HNRNPR: variants seen among roughly 807,000 people sequenced by gnomAD.
HNRNPR encodes heterogeneous nuclear ribonucleoprotein R.
In HNRNPR, 4 loss-of-function variants were observed where a neutral mutation model predicts 70.3. That is an observed-to-expected ratio of 0.06 (90% CI 0.03 to 0.13). The LOEUF (loss-of-function observed/expected upper bound fraction) is 0.13, where lower values mean the gene tolerates loss of function less well. Ranked by LOEUF, HNRNPR falls within the 10% of genes least tolerant of loss-of-function variation. HNRNPR has a pLI of 1.00. For synonymous variants in HNRNPR, 241 were observed against 267.6 expected, an observed-to-expected ratio of 0.90 and a Z score of 0.97; for missense variants, 423 against 788.5, an observed-to-expected ratio of 0.54 and a Z score of 5.55.
At chr1:23,329,249 A>G (rs904922118) in intron 5 of HNRNPR, among the ~76,000 whole-genome samples, 1 of 152,260 alleles carries the variant, frequency 6.6e-6, no homozygotes, top group Non-Finnish European at 1.5e-5. Context: ...GAAACAGGAA[A>G]TATCTTCATT....
chr1:23,340,449 C>T (rs1646669260), intron 2 of HNRNPR, among the ~76,000 whole-genome samples: 1 of 152,164 alleles, frequency 6.6e-6, no homozygotes, highest in African/African-American at 2.4e-5. Flanking sequence ...ATACAGCTAT[C>T]CTCTTGTTAT....
rs1401214182 is a variant in HNRNPR, at chr1:23,314,842, A to AT, written c.1018-1141dup. ...CCCACAATTCTACCCCTAAGAATCT[A>AT]TCCTACAGATATATCTCCACTTGTA... On this transcript the variant is annotated intron_variant, in intron 8 of 10. Transcript: ENST00000302271. 3.9e-5 allele frequency among the ~76,000 whole-genome samples: 6 copies of AT among 152,228 alleles called. No homozygotes were observed. The East Asian group carries it at 1.2e-3, about 29-fold the overall frequency.
chr1:23,320,378 T>G (rs1054800206), intron 7 of HNRNPR, among the ~76,000 whole-genome samples: 1 of 152,164 alleles, frequency 6.6e-6, no homozygotes, highest in Non-Finnish European at 1.5e-5. Context: ...ATCCAGAATG[T>G]AATCTGGATA....
intron 5 of HNRNPR, among the ~76,000 whole-genome samples, chr1:23,325,302 T>C (rs183286217): frequency 6.6e-6 from 1 of 152,148 alleles, no homozygotes; most frequent in Non-Finnish European, 1.5e-5. Context: ...GAAGTAATAA[T>C]AGCAATCCAA....
rs1343682167 is a variant in HNRNPR, at chr1:23,309,570, A to G, written c.*884T>C. 3 of 152,218 alleles carry G rather than the reference A, an allele frequency of 2.0e-5. No individual in the cohort carries two copies. In the East Asian group the frequency reaches 5.8e-4, roughly 29 times the overall value. 9.4% of individuals were successfully genotyped at this position (152,218 alleles called of 1,614,324 possible). On this transcript the variant is annotated 3_prime_UTR_variant, in exon 11 of 11. Transcript: ENST00000302271. ...TAAAATTTCAAAATTAGAAGAGACT[A>G]TGAGAGAACACCAATCAATGAAAGT...
At chr1:23,323,760 C>A (rs768964523) in intron 5 of HNRNPR, 28 bp from the exon 6 acceptor site, 6 of 1,588,492 alleles carry the variant, frequency 3.8e-6, no homozygotes, top group South Asian at 3.3e-5. Context: ...TATTAGAATC[C>A]AACATAAGCA....
rs1645648994 is a variant in HNRNPR, at chr1:23,318,898, G to A, written c.812-210C>T. 6.6e-6 allele frequency among the ~76,000 whole-genome samples: 1 copy of A among 152,106 alleles called. No homozygotes were observed. The highest frequency in any genetic ancestry group is 6.5e-5 in the Admixed American group (1 of 15,278). ...CCTTTTTAATTTTAGGGGTTCTGAA[G>A]GTACAGCCATATACAACAAATCTAC... is the stretch of plus-strand genomic sequence containing the variant. On this transcript the variant is annotated intron_variant, in intron 7 of 10. Transcript: ENST00000302271. This position sits in a 1 kb window ranked among gnomAD's most constrained non-coding sequence, Gnocchi z 4.2.
At chr1:23,334,533 G>C (rs1201734797) in intron 4 of HNRNPR, among the ~76,000 whole-genome samples, 1 of 152,136 alleles carries the variant, frequency 6.6e-6, no homozygotes, top group East Asian at 1.9e-4. Flanking sequence ...ACCATACCCA[G>C]CCTCTAGTGT....
chr1:23,332,496 A>C (rs1455255927), intron 5 of HNRNPR, among the ~76,000 whole-genome samples: 1 of 150,872 alleles, frequency 6.6e-6, no homozygotes, highest in Non-Finnish European at 1.5e-5. Context: ...TGAGGTCATG[A>C]GTTCAAGACC....
chr1:23,340,173 G>A (rs1382050823), intron 2 of HNRNPR, among the ~76,000 whole-genome samples: 1 of 152,090 alleles, frequency 6.6e-6, no homozygotes, highest in Admixed American at 6.6e-5. Context: ...CCCCAAAGGA[G>A]GAGGACACAT....
At chr1:23,327,817 C>T (rs2148414927) in intron 5 of HNRNPR, among the ~76,000 whole-genome samples, 1 of 151,390 alleles carries the variant, frequency 6.6e-6, no homozygotes, top group East Asian at 1.9e-4. Context: ...GGAGGGCTTC[C>T]CTACAGGGGT....
At chr1:23,336,727 T>G (rs1570108302) in intron 4 of HNRNPR, among the ~76,000 whole-genome samples, 1 of 118,430 alleles carries the variant, frequency 8.4e-6, no homozygotes, top group Non-Finnish European at 1.5e-5. Flanking sequence ...GCTACTGCAC[T>G]CCAGCACTCC....
intron 7 of HNRNPR, among the ~76,000 whole-genome samples, chr1:23,320,754 GTAT>G (rs1645724061): frequency 6.6e-6 from 1 of 152,106 alleles, no homozygotes; most frequent in South Asian, 2.1e-4. Context: ...AATAAATCAT[GTAT>G]AATAAATAAA....
chr1:23,309,505 CAA>C lies in HNRNPR; in HGVS notation c.*947_*948del, dbSNP rs930806570. The C allele has an allele frequency of 2.2e-5, 3 of 139,030 alleles. No homozygotes were observed. Among genetic ancestry groups the C allele is most frequent in the East Asian group, 2.1e-4 (1 of 4,758 alleles). The allele number at this position is 139,030 out of a possible 1,614,324, so 8.6% of individuals were successfully genotyped here. On this transcript the variant is annotated 3_prime_UTR_variant, in exon 11 of 11. Transcript: ENST00000302271. Reference sequence around the variant, plus strand: ...ATTATCCAATGCCTGCAAGAATGCTCAAAAGTCTATGAACCTGTTTTTTTTTT... The same window carrying C: ...ATTATCCAATGCCTGCAAGAATGCTCAAGTCTATGAACCTGTTTTTTTTTT...
chr1:23,340,861 A>G lies in HNRNPR; in HGVS notation c.148T>C (p.Phe50Leu). ...QKVAERLDEI[F>L]QTGLVAYVDL... The stretch of plus-strand genomic sequence containing the variant: ...GAAATGCATATTATACCTGTCTGAA[A>G]TATTTCATCAAGTCTTTCTGCCACC... The change falls in exon 2 of 11, where the codon TTT becomes CTT. Residue 50 changes from phenylalanine to leucine, a missense_variant. Phe to Leu is a conservative substitution (Grantham distance 22). Around this residue, in one of 7 missense-constraint regions of HNRNPR, gnomAD observed 44 missense variants for 89.0 expected, o/e 0.49. Coordinates refer to ENST00000302271, the MANE Select transcript of HNRNPR (RefSeq NM_005826.5). The G allele has an allele frequency of 6.2e-7, 1 of 1,611,388 alleles. No individual in the cohort carries two copies. The highest frequency in any genetic ancestry group is 8.5e-7 in the Non-Finnish European group (1 of 1,178,924).
intron 4 of HNRNPR, among the ~76,000 whole-genome samples, chr1:23,333,885 T>C (rs912256054): frequency 2.6e-5 from 4 of 152,130 alleles, no homozygotes; most frequent in Non-Finnish European, 5.9e-5. Context: ...TCTCATTTAC[T>C]ATTACTCACA....
At chr1:23,321,342 C>G (rs537278244) in intron 7 of HNRNPR, among the ~76,000 whole-genome samples, 186 bp downstream of exon 7, 2 of 152,076 alleles carry the variant, frequency 1.3e-5, no homozygotes, top group Admixed American at 1.3e-4. Flanking sequence ...AGGGGACATT[C>G]CAAGAAATGA....
At chr1:23,329,790 C>A (rs1646142229) in intron 5 of HNRNPR, among the ~76,000 whole-genome samples, 1 of 152,090 alleles carries the variant, frequency 6.6e-6, no homozygotes, top group Non-Finnish European at 1.5e-5. Flanking sequence ...TGCCACCATG[C>A]CTGGCTAATT....
Position 23,309,316 on chromosome 1 carries a change from G to A in HNRNPR, c.*1138C>T, listed in dbSNP as rs1435066476. ...CACGATCATTTTCACTAAAACTAAA[G>A]TCCGCAGTGCAATTGACGCCACAGT... On this transcript the variant is annotated 3_prime_UTR_variant, in exon 11 of 11. Transcript: ENST00000302271. The A allele has an allele frequency of 1.3e-5, 2 of 152,074 alleles. No individual in the cohort carries two copies. Among genetic ancestry groups the A allele is most frequent in the Non-Finnish European group, 2.9e-5 (2 of 67,976 alleles). 9.4% of individuals were successfully genotyped at this position (152,074 alleles called of 1,614,324 possible).
Sources: allele counts gnomAD v4.1 joint callset (sites outside exome capture counted in the v4.1 genomes callset), GRCh38; gene constraint gnomAD v4.1.1; regional missense constraint gnomAD v4.1.1; non-coding constraint Gnocchi (gnomAD v3.1); transcripts MANE v1.5; gene names NCBI Gene and HGNC (gene_info 2026-07-23, HGNC 2026-07-21).